Variants in NCKAP5 observed in about 807,000 individuals in gnomAD.
NCKAP5 encodes nck-associated protein 5.
Under a neutral mutation model 167.0 loss-of-function variants are expected in NCKAP5, and 92 were observed. That is an observed-to-expected ratio of 0.55 (90% confidence interval 0.47 to 0.66). NCKAP5 has a LOEUF of 0.66. Ranked by LOEUF, NCKAP5 falls within the 30% of genes least tolerant of loss-of-function variation. The pLI is 0.00. For synonymous variants in NCKAP5, 891 were observed against 877.4 expected, an observed-to-expected ratio of 1.02 and a Z score of -0.27; for missense variants, 2,378 against 2,315.0, an observed-to-expected ratio of 1.03 and a Z score of -0.56.
chr2:133,570,745 G>A (rs542378522), upstream of NCKAP5, among the ~76,000 whole-genome samples: 27 of 152,322 alleles, frequency 1.8e-4, 1 homozygote, highest in East Asian at 4.8e-3. Flanking sequence ...GGAGCGACAA[G>A]TCAGAAAGCT....
At chr2:133,643,246 A>C in the NCKAP5 span, among the ~76,000 whole-genome samples, 1 of 152,206 alleles carries the variant, frequency 6.6e-6, no homozygotes, top group Non-Finnish European at 1.5e-5. Flanking sequence ...CAGCCATGAA[A>C]ATCTGAAAGA....
At position 132,782,125 on chromosome 2, in the gene NCKAP5, A is replaced by G; in HGVS notation, c.4686T>C (p.Cys1562=). 6.2e-7 allele frequency: 1 copy of G among 1,613,950 alleles called. No homozygotes were observed. The highest frequency in any genetic ancestry group is 8.5e-7 in the Non-Finnish European group (1 of 1,179,882). ...KKEKKKPELQ[C]ETENELIKDT... ...CCTTGATAAGCTCATTTTCTGTCTC[A>G]CACTGTAGTTCAGGCTTCTTTTTCT... is the stretch of plus-strand genomic sequence containing the variant. The change falls in exon 14 of 20, where the codon TGT becomes TGC. Residue 1562 remains cysteine (C), a synonymous_variant. Transcript: ENST00000409261.
chr2:133,527,615 T>A lies in NCKAP5; in HGVS notation c.-61-10028A>T, dbSNP rs142039724. 5.1e-4 allele frequency among the ~76,000 whole-genome samples: 78 copies of A among 151,682 alleles called. No individual in the cohort carries two copies. In the East Asian group the frequency reaches 0.013, roughly 25 times the overall value. On this transcript the variant is annotated intron_variant, in intron 2 of 19. Coordinates refer to ENST00000409261, the MANE Select transcript of NCKAP5 (RefSeq NM_207363.3). Reference sequence around the variant, plus strand: ...AGAATTTTTAGTGAACCAGAAAATATAGAATGACATTAAAGATGTCCTAAG... The same window carrying A: ...AGAATTTTTAGTGAACCAGAAAATAAAGAATGACATTAAAGATGTCCTAAG...
the NCKAP5 span, among the ~76,000 whole-genome samples, chr2:133,661,834 G>A: frequency 1.3e-5 from 2 of 152,082 alleles, no homozygotes; most frequent in East Asian, 3.8e-4. Flanking sequence ...TATTAGAAAC[G>A]GATCAGGATT....
chr2:132,822,781 G>T (rs567291231), intron 11 of NCKAP5, among the ~76,000 whole-genome samples: 34 of 152,042 alleles, frequency 2.2e-4, no homozygotes, highest in Non-Finnish European at 4.9e-4. Context: ...CAAGAGAAAG[G>T]TGAAAATCAA....
rs190155458 is a variant in NCKAP5, at chr2:133,241,827, A to G, written c.144-28048T>C. On this transcript the variant is annotated intron_variant, in intron 4 of 19. Coordinates refer to ENST00000409261, the MANE Select transcript of NCKAP5 (RefSeq NM_207363.3). Reference sequence around the variant, plus strand: ...GCATGTAGGGATATTTTGCATATTAAAAGTAAAAATAGCCGGGCACGGTGG... The same window carrying G: ...GCATGTAGGGATATTTTGCATATTAGAAGTAAAAATAGCCGGGCACGGTGG... Among the ~76,000 whole-genome samples the G allele has an allele frequency of 1.6e-3, 250 of 152,272 alleles. 1 individual carries two copies. The highest frequency in any genetic ancestry group is 4.5e-3 in the Admixed American group (69 of 15,294).
chr2:133,373,880 A>T (rs1374044005), intron 3 of NCKAP5, among the ~76,000 whole-genome samples: 1 of 152,266 alleles, frequency 6.6e-6, no homozygotes, highest in Non-Finnish European at 1.5e-5. Flanking sequence ...CATGCCAAAA[A>T]GTGAATCTAG....
chr2:132,818,006 G>A (rs1369155720), intron 11 of NCKAP5, among the ~76,000 whole-genome samples: 2 of 151,954 alleles, frequency 1.3e-5, no homozygotes, highest in Admixed American at 6.6e-5. Flanking sequence ...GCAGTGCCGC[G>A]GCATGATCAT....
At position 132,904,649 on chromosome 2, in the gene NCKAP5, G is replaced by A. The variant is rs146389118; in HGVS notation, c.580-25733C>T. 5.8e-3 allele frequency among the ~76,000 whole-genome samples: 882 copies of A among 152,174 alleles called. 8 individuals are homozygous for A. Among genetic ancestry groups the A allele is most frequent in the African/African-American group, 0.019 (787 of 41,532 alleles). On this transcript the variant is annotated intron_variant, in intron 8 of 19. Coordinates refer to ENST00000409261, the MANE Select transcript of NCKAP5 (RefSeq NM_207363.3). ...CCCAGGAGCATACGTGAGAATCACC[G>A]CCCACTGATTAGTACCATCTAAACA...
intron 11 of NCKAP5, among the ~76,000 whole-genome samples, chr2:132,831,197 C>T (rs1175494439): frequency 1.3e-5 from 2 of 152,140 alleles, no homozygotes; most frequent in Admixed American, 1.3e-4. Flanking sequence ...TAACCTTTTC[C>T]CCACTAAACT....
intron 7 of NCKAP5, among the ~76,000 whole-genome samples, chr2:132,982,716 A>G (rs2077177726): frequency 6.6e-6 from 1 of 152,078 alleles, no homozygotes; most frequent in Non-Finnish European, 1.5e-5. Context: ...ATCTATGTCC[A>G]CAATTAGCCA....
At position 133,514,830 on chromosome 2, in the gene NCKAP5, G is replaced by A. The variant is rs192059319; in HGVS notation, c.69+2628C>T. 9.3e-4 allele frequency among the ~76,000 whole-genome samples: 141 copies of A among 152,152 alleles called. 1 individual carries two copies. Among genetic ancestry groups the A allele is most frequent in the African/African-American group, 2.9e-3 (121 of 41,496 alleles). On this transcript the variant is annotated intron_variant, in intron 3 of 19. Coordinates refer to ENST00000409261, the MANE Select transcript of NCKAP5 (RefSeq NM_207363.3). ...GTTCTACTTTTGGTGTAATCCTAGC[G>A]TGTGAGCTCAGGAAGAGCAGATAAC... is the stretch of plus-strand genomic sequence containing the variant.
At chr2:133,548,275 G>T (rs1686932855) in intron 2 of NCKAP5, among the ~76,000 whole-genome samples, 2 of 152,094 alleles carry the variant, frequency 1.3e-5, no homozygotes, top group African/African-American at 4.8e-5. Context: ...AAGTGATGGG[G>T]AGAATGGAAC....
At chr2:133,320,967 A>G (rs1682007259) in intron 3 of NCKAP5, among the ~76,000 whole-genome samples, 1 of 152,134 alleles carries the variant, frequency 6.6e-6, no homozygotes, top group Non-Finnish European at 1.5e-5. Flanking sequence ...CTATGCTTCA[A>G]ATTCCTCACT....
At chr2:132,962,445 C>A (rs1336510794) in intron 8 of NCKAP5, among the ~76,000 whole-genome samples, 1 of 151,952 alleles carries the variant, frequency 6.6e-6, no homozygotes, top group Non-Finnish European at 1.5e-5. Context: ...AATTGAGCTT[C>A]AAAGTGCATA....
At chr2:132,918,143 C>A (rs951302021) in intron 8 of NCKAP5, among the ~76,000 whole-genome samples, 1 of 152,132 alleles carries the variant, frequency 6.6e-6, no homozygotes, top group African/African-American at 2.4e-5. Context: ...CTTTCAATTT[C>A]TCCTTAATAA....
At chr2:133,132,048 G>A (rs1268380260) in intron 5 of NCKAP5, among the ~76,000 whole-genome samples, 5 of 152,172 alleles carry the variant, frequency 3.3e-5, no homozygotes, top group Non-Finnish European at 4.4e-5. Flanking sequence ...CCAGCACTTT[G>A]GGAGGCTGAC....
intron 6 of NCKAP5, among the ~76,000 whole-genome samples, chr2:133,105,214 A>G (rs76613034): frequency 0.02 from 3,022 of 152,324 alleles, 92 homozygotes; most frequent in African/African-American, 0.07. Context: ...AAAATTGTTC[A>G]TGAAAAAATG....
At chr2:132,752,478 G>A (rs1409501369) in intron 16 of NCKAP5, among the ~76,000 whole-genome samples, 1 of 152,176 alleles carries the variant, frequency 6.6e-6, no homozygotes, top group African/African-American at 2.4e-5. Flanking sequence ...TTACATAAAG[G>A]ATGATGATTC....
Sources: allele counts gnomAD v4.1 joint callset (sites outside exome capture counted in the v4.1 genomes callset), GRCh38; gene constraint gnomAD v4.1.1; transcripts MANE v1.5; gene names NCBI Gene and HGNC (gene_info 2026-07-23, HGNC 2026-07-21).